RSPO4: variants seen among roughly 807,000 people sequenced by gnomAD.
RSPO4 encodes the protein R-spondin 4.
Under a neutral mutation model 24.8 loss-of-function variants are expected in RSPO4, and 23 were observed. The observed-to-expected ratio is 0.93, with a 90% CI of 0.67 to 1.31. The LOEUF (loss-of-function observed/expected upper bound fraction) is 1.31, where lower values mean the gene tolerates loss of function less well. RSPO4 is among the 40% of genes most tolerant of loss of function. The pLI is 0.00. For missense variants in RSPO4, 333 were observed against 316.5 expected (o/e 1.05, Z -0.39); for synonymous variants, 141 against 127.4 (o/e 1.11, Z -0.72).
chr20:988,904 C>G (rs1985006036), intron 1 of RSPO4, among the ~76,000 whole-genome samples: 1 of 152,210 alleles, frequency 6.6e-6, no homozygotes, highest in Admixed American at 6.5e-5. Flanking sequence ...GTGTCTACCC[C>G]ACAGCCTCCT....
At chr20:997,386 G>C (rs1985329259) in intron 1 of RSPO4, among the ~76,000 whole-genome samples, 1 of 152,202 alleles carries the variant, frequency 6.6e-6, no homozygotes, top group Non-Finnish European at 1.5e-5. Context: ...GATGGCAAAT[G>C]GAGCTCAATT....
chr20:986,362 C>A (rs1984921176), intron 1 of RSPO4, among the ~76,000 whole-genome samples: 1 of 152,066 alleles, frequency 6.6e-6, no homozygotes, highest in Non-Finnish European at 1.5e-5. Context: ...TCTCTATCCC[C>A]ATTCCTTCTT....
rs1285428385 is a variant in RSPO4 at position 1,002,272 on chromosome 20, G to A, written c.-108C>T. 6 of 556,508 alleles carry A rather than the reference G, an allele frequency of 1.1e-5. No homozygotes were observed. The South Asian group carries it at 3.9e-4, about 36-fold the overall frequency. 34.5% of individuals were successfully genotyped at this position (556,508 alleles called of 1,614,324 possible). The stretch of plus-strand genomic sequence containing the variant: ...GCGGGGGCTGCTGTGGGCGCGCCGG[G>A]CGCATCCGCCAGGCGCGGGTCGGTC... On this transcript the variant is annotated 5_prime_UTR_variant, in exon 1 of 5. Transcript: ENST00000217260. This position sits in a 1 kb window ranked among gnomAD's most constrained non-coding sequence, Gnocchi z 4.6.
intron 1 of RSPO4, among the ~76,000 whole-genome samples, chr20:977,045 G>A (rs1324042569): frequency 6.6e-6 from 1 of 152,158 alleles, no homozygotes; most frequent in Non-Finnish European, 1.5e-5. Flanking sequence ...AAGGTCAGCT[G>A]CCCTATGTTA....
intron 1 of RSPO4, among the ~76,000 whole-genome samples, chr20:974,240 T>A (rs1984495360): frequency 6.6e-6 from 1 of 152,222 alleles, no homozygotes; most frequent in Non-Finnish European, 1.5e-5. Context: ...TTTGGAAGTG[T>A]CTTCCCTGTT....
chr20:963,941 G>A lies in RSPO4; in HGVS notation c.589C>T (p.Pro197Ser), dbSNP rs553713151. 25 of 1,613,774 alleles carry A rather than the reference G, an allele frequency of 1.5e-5. No individual in the cohort carries two copies. The South Asian group carries it at 2.4e-4, about 16-fold the overall frequency. ...SRKCPIQRPC[P>S]GERSPGQKKG... ...TGCCTGTCCTGGGGCTCACCTCCTG[G>A]GCAGGGCCTCTGGATGGGACATTTC... The change falls in exon 4 of 5, where the codon CCA (proline) becomes TCA (serine). Residue 197 changes from proline to serine, a missense_variant. Coordinates refer to ENST00000217260, the MANE Select transcript of RSPO4 (RefSeq NM_001029871.4).
chr20:967,900 T>C (rs1036162114), intron 2 of RSPO4, 50 bp downstream of exon 2: 2 of 1,543,252 alleles, frequency 1.3e-6, no homozygotes, highest in African/African-American at 1.4e-5. Context: ...TCTAAGCCCA[T>C]GGTGTCTAGG....
At chr20:979,861 C>A (rs1347170496) in intron 1 of RSPO4, among the ~76,000 whole-genome samples, 3 of 152,156 alleles carry the variant, frequency 2.0e-5, no homozygotes, top group African/African-American at 4.8e-5. Flanking sequence ...CACCTACACC[C>A]TATTCCTCTC....
intron 1 of RSPO4, among the ~76,000 whole-genome samples, chr20:976,942 C>A (rs1012083721): frequency 6.6e-6 from 1 of 152,176 alleles, no homozygotes; most frequent in African/African-American, 2.4e-5. Context: ...TGTCACAGGG[C>A]AGTGAGTGGT....
chr20:987,665 C>G (rs1209188349), intron 1 of RSPO4, among the ~76,000 whole-genome samples: 10 of 152,076 alleles, frequency 6.6e-5, no homozygotes. Context: ...GTGATGCGTG[C>G]CTATAGTCCC....
rs375887652 is a variant in RSPO4 at position 981,053 on chromosome 20, T to C, written c.80-12915A>G. ...TAAGAAGCGAGGCGGGAGATGCTGTTATCATTCCTCATTTTACGGTTCAGG... is the reference window on the plus strand; with the variant it reads ...TAAGAAGCGAGGCGGGAGATGCTGTCATCATTCCTCATTTTACGGTTCAGG... On this transcript the variant is annotated intron_variant, in intron 1 of 4. Coordinates refer to ENST00000217260, the MANE Select transcript of RSPO4 (RefSeq NM_001029871.4). This position sits in a 1 kb window ranked among gnomAD's most constrained non-coding sequence, Gnocchi z 4.6. Among the ~76,000 whole-genome samples the C allele has an allele frequency of 6.6e-6, 1 of 152,348 alleles. No homozygotes were observed. The highest frequency in any genetic ancestry group is 2.4e-5 in the African/African-American group (1 of 41,574).
intron 1 of RSPO4, among the ~76,000 whole-genome samples, chr20:1,000,070 T>C (rs2122284761): frequency 6.6e-6 from 1 of 152,184 alleles, no homozygotes; most frequent in East Asian, 1.9e-4. Context: ...GGTTTCATCA[T>C]GTTAGCCAGG....
At chr20:971,386 T>C (rs1055366726) in intron 1 of RSPO4, among the ~76,000 whole-genome samples, 7 of 152,248 alleles carry the variant, frequency 4.6e-5, no homozygotes, top group Admixed American at 6.5e-5. Context: ...GAAACCCTTG[T>C]ATATGTGTAG....
At chr20:968,358 A>C (rs1159415810) in intron 1 of RSPO4, among the ~76,000 whole-genome samples, 1 of 152,234 alleles carries the variant, frequency 6.6e-6, no homozygotes, top group Middle Eastern at 3.2e-3. Context: ...CACTTCAAGA[A>C]AGCTGCCTTA....
intron 1 of RSPO4, among the ~76,000 whole-genome samples, chr20:977,989 G>A (rs1984618918): frequency 6.6e-6 from 1 of 152,208 alleles, no homozygotes; most frequent in Admixed American, 6.5e-5. Flanking sequence ...GGCTTGCTCA[G>A]AAGATCCCCC....
In RSPO4 at chr20:967,154, G is replaced by A. The variant is rs1288047909; in HGVS notation, c.409+20C>T. On this transcript the variant is annotated intron_variant, in intron 3 of 4. Transcript: ENST00000217260. ...GGGAGAGGGGAGGGGCAGGGGCAGG[G>A]CGGGGAGGTCCCCACTCACCCTGGC... The A allele has an allele frequency of 2.5e-6, 4 of 1,610,858 alleles. No homozygotes were observed. In the South Asian group the frequency reaches 4.4e-5, roughly 18 times the overall value.
intron 3 of RSPO4, 64 bp from the exon 4 acceptor site, chr20:964,184 C>A: frequency 7.1e-7 from 1 of 1,403,582 alleles, no homozygotes; most frequent in Non-Finnish European, 9.7e-7. Flanking sequence ...GAGGGTCCTT[C>A]AGATCCAAGG....
chr20:982,124 G>C (rs1177572380), intron 1 of RSPO4, among the ~76,000 whole-genome samples: 1 of 152,118 alleles, frequency 6.6e-6, no homozygotes, highest in Non-Finnish European at 1.5e-5. Context: ...AGCTGTGCTG[G>C]GGGTAGAGCA....
chr20:962,696 G>C (rs912309489), intron 4 of RSPO4, among the ~76,000 whole-genome samples: 2 of 152,196 alleles, frequency 1.3e-5, no homozygotes, highest in Admixed American at 6.5e-5. Context: ...CCTTCTGAAA[G>C]AGGAGTGTCC....
Sources: gnomAD v4.1 joint callset for allele counts (sites outside exome capture counted in the v4.1 genomes callset) on GRCh38, gnomAD v4.1.1 for gene constraint, Gnocchi (gnomAD v3.1) non-coding constraint, MANE v1.5 for transcripts, NCBI Gene and HGNC (gene_info 2026-07-23, HGNC 2026-07-21) for gene names.